Variants in TNIK observed in about 807,000 individuals in gnomAD.
TNIK encodes the protein TRAF2 and NCK interacting kinase, also known as TRAF2 and NCK-interacting protein kinase.
In TNIK, 49 loss-of-function variants were observed where a neutral mutation model predicts 191.3. The ratio of observed to expected loss-of-function variants is 0.26; its 90% CI spans 0.20 to 0.32. The LOEUF is 0.32. Among genes scored for constraint, TNIK ranks in the 10% least tolerant of loss-of-function variants. The pLI, the probability that TNIK is intolerant of heterozygous loss-of-function variation, is 1.00. For synonymous variants in TNIK, 594 were observed against 600.9 expected, an observed-to-expected ratio of 0.99 and a Z score of 0.17; for missense variants, 1,155 against 1,702.3, an observed-to-expected ratio of 0.68 and a Z score of 5.66.
chr3:171,119,294 C>G lies in TNIK; in HGVS notation c.2120+4302G>C, dbSNP rs891411868. 5.3e-5 allele frequency among the ~76,000 whole-genome samples: 8 copies of G among 152,132 alleles called. No homozygotes were observed. The East Asian group carries it at 5.8e-4, about 11-fold the overall frequency. On this transcript the variant is annotated intron_variant, in intron 18 of 32. Transcript: ENST00000436636. Reference sequence around the variant, plus strand: ...ATCATTAAAAAGTCAGGAAACAACACGTCCTGGAGAGGATGTGGAGAAATA... The same window carrying G: ...ATCATTAAAAAGTCAGGAAACAACAGGTCCTGGAGAGGATGTGGAGAAATA...
At chr3:171,123,756 G>T in intron 17 of TNIK, 54 bp from the exon 18 acceptor site, 2 of 1,379,418 alleles carry the variant, frequency 1.4e-6, no homozygotes, top group Non-Finnish European at 2.0e-6. Context: ...TCCATAGCCT[G>T]TTGTCAGAAA....
At chr3:171,065,459 G>A (rs1335575195) in intron 32 of TNIK, among the ~76,000 whole-genome samples, 1 of 152,168 alleles carries the variant, frequency 6.6e-6, no homozygotes, top group Non-Finnish European at 1.5e-5. Flanking sequence ...TGTGGCTTTG[G>A]GGACAGCATT....
At chr3:171,189,419 A>T (rs1366400971) in intron 6 of TNIK, among the ~76,000 whole-genome samples, 1 of 152,230 alleles carries the variant, frequency 6.6e-6, no homozygotes, top group Non-Finnish European at 1.5e-5. Flanking sequence ...TGAGGAAGGC[A>T]CAAAGAATTA....
At chr3:171,124,253 C>G (rs888791785) in intron 17 of TNIK, among the ~76,000 whole-genome samples, 8 of 152,166 alleles carry the variant, frequency 5.3e-5, no homozygotes, top group African/African-American at 1.7e-4. Context: ...AATGTTTCTA[C>G]TTTCTAATTG....
At chr3:171,396,983 T>A (rs374236282) in intron 1 of TNIK, among the ~76,000 whole-genome samples, 1 of 152,152 alleles carries the variant, frequency 6.6e-6, no homozygotes, top group Admixed American at 6.5e-5. Context: ...TTCCAGCAAG[T>A]ATGTTTATAA....
chr3:171,365,161 C>CTTTTTT lies in TNIK; in HGVS notation c.123+4453_123+4458dup, dbSNP rs60887361. Among the ~76,000 whole-genome samples the CTTTTTT allele has an allele frequency of 7.2e-3, 231 of 31,934 alleles. 82 individuals carry two copies. The highest frequency in any genetic ancestry group is 0.01 in the Non-Finnish European group (161 of 15,446). The allele number at this position is 31,934 out of a possible 152,430, so 20.9% of individuals were successfully genotyped here. Reference sequence around the variant, plus strand: ...AAGGACTACACAAAAGGACTACATTCTTTTTTTTTTTTTTTTTTTTTTTTT... The same window carrying CTTTTTT: ...AAGGACTACACAAAAGGACTACATTCTTTTTTTTTTTTTTTTTTTTTTTTTTTTTTT... On this transcript the variant is annotated intron_variant, in intron 2 of 32. Transcript: ENST00000436636.
At chr3:171,089,808 G>A (rs1721832627) in intron 23 of TNIK, among the ~76,000 whole-genome samples, 1 of 152,170 alleles carries the variant, frequency 6.6e-6, no homozygotes, top group South Asian at 2.1e-4. Flanking sequence ...AAGATGTTCT[G>A]TGTACCACCA....
intron 9 of TNIK, among the ~76,000 whole-genome samples, chr3:171,172,452 C>A (rs576356966): frequency 1.2e-4 from 18 of 152,314 alleles, no homozygotes; most frequent in Middle Eastern, 3.4e-3. Flanking sequence ...CATTTCCTCT[C>A]AAACACTAGA....
chr3:171,314,364 C>T (rs767007277), intron 2 of TNIK, among the ~76,000 whole-genome samples: 3 of 152,154 alleles, frequency 2.0e-5, no homozygotes, highest in Non-Finnish European at 4.4e-5. Flanking sequence ...CTCAAGAGGA[C>T]AGCCTTGAAA....
intron 2 of TNIK, among the ~76,000 whole-genome samples, chr3:171,284,608 T>TA (rs11375341): frequency 0.31 from 43,392 of 141,820 alleles, 6,680 homozygotes; most frequent in African/African-American, 0.38. Flanking sequence ...TCCTGCATGC[T>TA]AAAAAAAAAA....
chr3:171,365,339 C>T (rs1281280340), intron 2 of TNIK, among the ~76,000 whole-genome samples: 5 of 151,526 alleles, frequency 3.3e-5, no homozygotes, highest in African/African-American at 4.8e-5. Context: ...TGTGCCACCA[C>T]GCCCAGCTAA....
Position 171,063,873 on chromosome 3 carries a change from C to T in TNIK, c.*8G>A. 6 of 1,613,106 alleles carry T rather than the reference C, an allele frequency of 3.7e-6. No individual in the cohort carries two copies. Among genetic ancestry groups the T allele is most frequent in the Non-Finnish European group, 5.1e-6 (6 of 1,179,426 alleles). The stretch of plus-strand genomic sequence containing the variant: ...ACGCCATGAAGATAAGTGCCAAGTG[C>T]TCTTCTGTTACCAGTTCATCATGGA... On this transcript the variant is annotated 3_prime_UTR_variant, in exon 33 of 33. Transcript: ENST00000436636.
intron 2 of TNIK, among the ~76,000 whole-genome samples, chr3:171,321,439 C>A (rs929068814): frequency 6.6e-6 from 1 of 152,120 alleles, no homozygotes; most frequent in Non-Finnish European, 1.5e-5. Flanking sequence ...GTATAAAGAG[C>A]ATAAACATCC....
At chr3:171,241,360 C>A (rs1744964743) in intron 2 of TNIK, among the ~76,000 whole-genome samples, 1 of 152,168 alleles carries the variant, frequency 6.6e-6, no homozygotes, top group South Asian at 2.1e-4. Context: ...GAAGGCATAA[C>A]AACTCTGATA....
At chr3:171,372,238 A>C (rs1716594243) in intron 1 of TNIK, among the ~76,000 whole-genome samples, 1 of 152,232 alleles carries the variant, frequency 6.6e-6, no homozygotes, top group Non-Finnish European at 1.5e-5. Context: ...CTGAGCCTTT[A>C]GTTCAAACTG....
chr3:171,109,194 C>T lies in TNIK; in HGVS notation c.2285-1032G>A, dbSNP rs943243436. ...TTCTTTAGGTGTTTTAGAGATGGGG[C>T]TCTGTCACCTAGGCTGGAGCGCAGT... On this transcript the variant is annotated intron_variant, in intron 19 of 32. Transcript: ENST00000436636. Among the ~76,000 whole-genome samples the T allele has an allele frequency of 2.0e-5, 3 of 152,304 alleles. No individual in the cohort carries two copies. The East Asian group carries it at 5.8e-4, about 29-fold the overall frequency.
chr3:171,108,451 C>T (rs1369464545), intron 19 of TNIK, among the ~76,000 whole-genome samples: 1 of 152,180 alleles, frequency 6.6e-6, no homozygotes, highest in East Asian at 1.9e-4. Flanking sequence ...TAAATGCTTT[C>T]CATGTCAATT....
intron 22 of TNIK, among the ~76,000 whole-genome samples, chr3:171,098,056 G>T (rs1445643048): frequency 6.6e-6 from 1 of 152,196 alleles, no homozygotes; most frequent in Non-Finnish European, 1.5e-5. Context: ...CTACAGGAGG[G>T]AACGCATGAT....
intron 30 of TNIK, among the ~76,000 whole-genome samples, chr3:171,067,096 C>T (rs924945070): frequency 2.6e-5 from 4 of 152,084 alleles, no homozygotes; most frequent in African/African-American, 9.7e-5. Context: ...TGTGTCTTAA[C>T]CAAAGTTGTG....
Sources: gnomAD v4.1 joint callset for allele counts (sites outside exome capture counted in the v4.1 genomes callset) on GRCh38, gnomAD v4.1.1 for gene constraint, MANE v1.5 for transcripts, NCBI Gene and HGNC (gene_info 2026-07-23, HGNC 2026-07-21) for gene names.